The following KLF12 variants were observed in gnomAD, a reference collection of about 807,000 sequenced individuals.
KLF12 encodes Krueppel-like factor 12.
In KLF12, 9 loss-of-function variants were observed where a neutral mutation model predicts 37.8. The ratio of observed to expected loss-of-function variants is 0.24; its 90% CI spans 0.14 to 0.42. The LOEUF is 0.42. Ranked by LOEUF, KLF12 falls within the 10% of genes least tolerant of loss-of-function variation. KLF12 has a pLI of 1.00. For synonymous variants in KLF12, 208 were observed against 202.1 expected, an observed-to-expected ratio of 1.03 and a Z score of -0.25; for missense variants, 411 against 516.0, an observed-to-expected ratio of 0.80 and a Z score of 1.97.
intron 2 of KLF12, among the ~76,000 whole-genome samples, chr13:73,966,816 T>C (rs575722472): frequency 5.4e-4 from 82 of 152,328 alleles, no homozygotes; most frequent in Non-Finnish European, 8.8e-4. Context: ...CAAATGTTAG[T>C]TAATATTCCA....
At chr13:74,187,626 ATGAC>A in the KLF12 span, among the ~76,000 whole-genome samples, 1 of 152,198 alleles carries the variant, frequency 6.6e-6, no homozygotes, top group African/African-American at 2.4e-5. Context: ...TATTTGATGA[ATGAC>A]TGAATGAACG....
At chr13:73,703,947 C>G (rs765117262) in intron 7 of KLF12, among the ~76,000 whole-genome samples, 14 of 152,146 alleles carry the variant, frequency 9.2e-5, no homozygotes, top group Non-Finnish European at 1.9e-4. Context: ...TATAAGTGAA[C>G]TAAAATATCC....
the KLF12 span, among the ~76,000 whole-genome samples, chr13:74,224,104 T>C: frequency 6.6e-6 from 1 of 152,172 alleles, no homozygotes; most frequent in Admixed American, 6.5e-5. Flanking sequence ...TAGAGAATCC[T>C]TCATAAGGAT....
At chr13:74,128,524 G>A (rs1348428865) in intron 1 of KLF12, among the ~76,000 whole-genome samples, 3 of 152,172 alleles carry the variant, frequency 2.0e-5, no homozygotes, top group African/African-American at 7.2e-5. Flanking sequence ...TATAAACTCA[G>A]AGAGGTTAAG....
chr13:73,861,245 T>A (rs1385789683), intron 3 of KLF12, among the ~76,000 whole-genome samples: 1 of 152,168 alleles, frequency 6.6e-6, no homozygotes, highest in Admixed American at 6.5e-5. Context: ...ATGTACCCCA[T>A]TCTTGTTAAT....
intron 6 of KLF12, among the ~76,000 whole-genome samples, chr13:73,745,570 C>T (rs994825816): frequency 6.6e-6 from 1 of 152,130 alleles, no homozygotes; most frequent in Non-Finnish European, 1.5e-5. Flanking sequence ...AAAAGTATCA[C>T]ATGTGATAAT....
intron 5 of KLF12, among the ~76,000 whole-genome samples, chr13:73,780,943 G>T (rs1358340251): frequency 6.6e-6 from 1 of 152,238 alleles, no homozygotes; most frequent in Non-Finnish European, 1.5e-5. Flanking sequence ...TGGGTAAAAT[G>T]CTATCAAACA....
intron 2 of KLF12, among the ~76,000 whole-genome samples, chr13:73,992,373 A>C (rs1228491027): frequency 1.3e-5 from 2 of 152,232 alleles, no homozygotes; most frequent in Non-Finnish European, 2.9e-5. Flanking sequence ...CAGATGGTAA[A>C]GGGACAAATC....
chr13:73,846,486 T>C, intron 3 of KLF12, 113 bp from the exon 4 acceptor site: 1 of 952,296 alleles, frequency 1.1e-6, no homozygotes, highest in East Asian at 2.6e-5. Flanking sequence ...ATGGGACATT[T>C]ATTCGTTCTC....
intron 1 of KLF12, among the ~76,000 whole-genome samples, chr13:74,084,498 A>G (rs147358160): frequency 1.4e-3 from 209 of 152,316 alleles, no homozygotes; most frequent in African/African-American, 4.3e-3. Flanking sequence ...ACTAGAAGTC[A>G]CCACGAAACA....
chr13:73,969,725 T>C (rs1246174818), intron 2 of KLF12, among the ~76,000 whole-genome samples: 1 of 152,166 alleles, frequency 6.6e-6, no homozygotes, highest in African/African-American at 2.4e-5. Flanking sequence ...CATGCACAAC[T>C]ACAATAAGTA....
chr13:74,181,361 G>GAA, the KLF12 span, among the ~76,000 whole-genome samples: 2 of 130,730 alleles, frequency 1.5e-5, no homozygotes, highest in African/African-American at 5.6e-5. Context: ...TGACAAAAGT[G>GAA]AAAAAAAAAA....
intron 1 of KLF12, among the ~76,000 whole-genome samples, chr13:74,021,798 C>T (rs1214370942): frequency 1.3e-5 from 2 of 152,050 alleles, no homozygotes; most frequent in Admixed American, 1.3e-4. Flanking sequence ...GATTGATAAG[C>T]AAATTAAATA....
At chr13:74,258,741 C>T in the KLF12 span, 4 of 152,168 alleles carry the variant, frequency 2.6e-5, no homozygotes, top group Admixed American at 6.5e-5. Context: ...CTCTTTATCG[C>T]TATCTCCAAA....
Position 73,784,749 on chromosome 13 carries a change from T to G in KLF12, c.807-19749A>C, listed in dbSNP as rs369501290. On this transcript the variant is annotated intron_variant, in intron 5 of 7. Transcript: ENST00000377669. ...GAGTTCAAGCCATTCTCCTGCCTCA[T>G]CCTCCTGAGTAGCTGGAATTACAGA... 1.8e-4 allele frequency among the ~76,000 whole-genome samples: 27 copies of G among 150,914 alleles called. No individual in the cohort carries two copies. The South Asian group carries it at 5.4e-3, about 30-fold the overall frequency.
At chr13:74,272,143 T>A in the KLF12 span, among the ~76,000 whole-genome samples, 1 of 152,260 alleles carries the variant, frequency 6.6e-6, no homozygotes, top group Non-Finnish European at 1.5e-5. Flanking sequence ...CTTTAACTTC[T>A]AAAGTGCTAC....
At chr13:74,139,063 T>A in the KLF12 span, among the ~76,000 whole-genome samples, 5 of 152,374 alleles carry the variant, frequency 3.3e-5, no homozygotes, top group African/African-American at 1.2e-4. Context: ...GCTGACTAGC[T>A]GGGCTTTCAT....
At chr13:73,848,949 T>A (rs1188828033) in intron 3 of KLF12, among the ~76,000 whole-genome samples, 1 of 152,182 alleles carries the variant, frequency 6.6e-6, no homozygotes, top group Non-Finnish European at 1.5e-5. Flanking sequence ...ATCCTTCTTG[T>A]ACCATTCATC....
At position 74,032,263 on chromosome 13, in the gene KLF12, T is replaced by C. The variant is rs530852883; in HGVS notation, c.-31-37210A>G. Among the ~76,000 whole-genome samples the C allele has an allele frequency of 4.6e-5, 7 of 152,292 alleles. No individual in the cohort carries two copies. In the South Asian group the frequency reaches 8.3e-4, roughly 18 times the overall value. ...CTAACAGAAACTGAAGAAGAACTTG[T>C]AGTAAACCAATATAATAACTAAGCC... On this transcript the variant is annotated intron_variant, in intron 1 of 7. Coordinates refer to ENST00000377669, the MANE Select transcript of KLF12 (RefSeq NM_007249.5).
Sources: gnomAD v4.1 joint callset for allele counts (sites outside exome capture counted in the v4.1 genomes callset) on GRCh38, gnomAD v4.1.1 for gene constraint, MANE v1.5 for transcripts, NCBI Gene and HGNC (gene_info 2026-07-23, HGNC 2026-07-21) for gene names.